Variants in SRBD1 observed in about 807,000 individuals in gnomAD.
The protein encoded by SRBD1 is S1 RNA binding domain 1.
In SRBD1, 88 loss-of-function variants were observed where a neutral mutation model predicts 115.3. The ratio of observed to expected loss-of-function variants is 0.76; its 90% CI spans 0.64 to 0.91. The LOEUF (loss-of-function observed/expected upper bound fraction) is 0.91, where lower values mean the gene tolerates loss of function less well. Ranked by LOEUF, SRBD1 falls within the 40% of genes least tolerant of loss-of-function variation. The pLI, the probability that SRBD1 is intolerant of heterozygous loss-of-function variation, is 0.00. For synonymous variants in SRBD1, 509 were observed against 407.7 expected (o/e 1.25, Z -2.99); for missense variants, 1,385 against 1,177.4 (o/e 1.18, Z -2.58).
chr2:45,430,368 G>T (rs1168067272), intron 16 of SRBD1, among the ~76,000 whole-genome samples: 2 of 152,124 alleles, frequency 1.3e-5, no homozygotes, highest in African/African-American at 4.8e-5. Context: ...AAAGCTGGAG[G>T]CATCACGCTA....
intron 14 of SRBD1, among the ~76,000 whole-genome samples, chr2:45,534,067 AC>A (rs1671692019): frequency 6.6e-6 from 1 of 152,042 alleles, no homozygotes; most frequent in Non-Finnish European, 1.5e-5. Flanking sequence ...ACTTACGAAC[AC>A]AAAAACACAT....
chr2:45,394,759 T>C (rs1287917539), intron 19 of SRBD1, among the ~76,000 whole-genome samples: 2 of 152,236 alleles, frequency 1.3e-5, no homozygotes, highest in Non-Finnish European at 2.9e-5. Flanking sequence ...ATTACAGCCA[T>C]ATATATGGCC....
intron 9 of SRBD1, chr2:45,569,086 T>C (rs564377912): frequency 4.0e-5 from 6 of 148,990 alleles, no homozygotes; most frequent in Non-Finnish European, 8.8e-5. Flanking sequence ...AAATAACCTT[T>C]CAGGAAATAC....
At chr2:45,508,386 A>C (rs1461022922) in intron 14 of SRBD1, among the ~76,000 whole-genome samples, 1 of 152,234 alleles carries the variant, frequency 6.6e-6, no homozygotes, top group African/African-American at 2.4e-5. Flanking sequence ...ATGGCTGAAG[A>C]AACTTTTAAA....
At chr2:45,609,148 C>T (rs58402651) in intron 1 of SRBD1, among the ~76,000 whole-genome samples, 27,218 of 152,150 alleles carry the variant, frequency 0.18, 2,617 homozygotes, top group Middle Eastern at 0.22. Context: ...AATTGACATG[C>T]AATACACTGC....
chr2:45,608,210 T>C (rs1572836690), intron 1 of SRBD1, among the ~76,000 whole-genome samples: 1 of 152,342 alleles, frequency 6.6e-6, no homozygotes, highest in Non-Finnish European at 1.5e-5. Context: ...TATTTCCAAC[T>C]GCCTCTTTAT....
At chr2:45,548,854 C>G (rs953307178) in intron 12 of SRBD1, 2 of 152,348 alleles carry the variant, frequency 1.3e-5, no homozygotes, top group Non-Finnish European at 2.9e-5. Context: ...AAACCCCCAC[C>G]CTCCAAAAAA....
chr2:45,490,851 T>C (rs917791252), intron 14 of SRBD1, among the ~76,000 whole-genome samples: 2 of 152,202 alleles, frequency 1.3e-5, no homozygotes, highest in African/African-American at 4.8e-5. Flanking sequence ...CACCCAAAGA[T>C]TGTGGATTAA....
At chr2:45,485,862 A>G (rs1256832908) in intron 15 of SRBD1, among the ~76,000 whole-genome samples, 1 of 152,208 alleles carries the variant, frequency 6.6e-6, no homozygotes, top group Non-Finnish European at 1.5e-5. Flanking sequence ...TTGAAAAGAA[A>G]GTGGACTCTG....
At chr2:45,500,494 C>T (rs1670597588) in intron 14 of SRBD1, among the ~76,000 whole-genome samples, 2 of 151,902 alleles carry the variant, frequency 1.3e-5, no homozygotes, top group South Asian at 4.1e-4. Context: ...ACAATCACGG[C>T]TCACTACAAC....
intron 10 of SRBD1, among the ~76,000 whole-genome samples, chr2:45,562,108 C>G (rs916797437): frequency 5.9e-5 from 9 of 152,068 alleles, no homozygotes; most frequent in African/African-American, 2.2e-4. Context: ...TCAAAAATTC[C>G]TCACACACCC....
At chr2:45,429,057 T>C (rs545981598) in intron 16 of SRBD1, among the ~76,000 whole-genome samples, 2 of 152,106 alleles carry the variant, frequency 1.3e-5, no homozygotes, top group East Asian at 1.9e-4. Context: ...AAGAAATGGA[T>C]AAATTGCTGG....
At chr2:45,465,697 C>T (rs923370660) in intron 16 of SRBD1, among the ~76,000 whole-genome samples, 1 of 152,158 alleles carries the variant, frequency 6.6e-6, no homozygotes, top group Non-Finnish European at 1.5e-5. Flanking sequence ...AAAGGCTACA[C>T]TTTTTAATGT....
intron 16 of SRBD1, among the ~76,000 whole-genome samples, chr2:45,427,214 C>A (rs997707291): frequency 6.7e-6 from 1 of 149,264 alleles, no homozygotes; most frequent in African/African-American, 2.5e-5. Context: ...TGAAAAACAC[C>A]GCACAAGAAC....
At chr2:45,552,675 T>A (rs1452151360) in intron 11 of SRBD1, among the ~76,000 whole-genome samples, 1 of 152,222 alleles carries the variant, frequency 6.6e-6, no homozygotes, top group African/African-American at 2.4e-5. Flanking sequence ...CAAGCGATGT[T>A]AGACAGCTTG....
chr2:45,487,854 A>G (rs1670167642), intron 15 of SRBD1, among the ~76,000 whole-genome samples: 1 of 151,900 alleles, frequency 6.6e-6, no homozygotes, highest in South Asian at 2.1e-4. Context: ...GAGTTTCACC[A>G]TCTTGGCCAG....
chr2:45,494,944 T>C (rs1226560950), intron 14 of SRBD1, among the ~76,000 whole-genome samples: 1 of 152,200 alleles, frequency 6.6e-6, no homozygotes, highest in African/African-American at 2.4e-5. Flanking sequence ...TTTTTAAGTT[T>C]GTTATGTTTC....
chr2:45,431,217 T>A (rs974688964), intron 16 of SRBD1, among the ~76,000 whole-genome samples: 2 of 152,194 alleles, frequency 1.3e-5, no homozygotes, highest in African/African-American at 4.8e-5. Context: ...GTAAATTAGT[T>A]CAACCATTGT....
In SRBD1 at chr2:45,553,675, G is replaced by T; in HGVS notation, c.1465C>A (p.Leu489Met). The T allele has an allele frequency of 6.2e-7, 1 of 1,608,428 alleles. No homozygotes were observed. Among genetic ancestry groups the T allele is most frequent in the South Asian group, 1.1e-5 (1 of 89,902 alleles). The stretch of plus-strand genomic sequence containing the variant: ...ATAAGGCGTTTAAAGGAATCATTCA[G>T]TGAATTATATAAGATCTTCATTAAC... ...PELMKILYNS[L>M]NDSFKRLIYP... The change falls in exon 11 of 21, where the codon CTG (leucine) becomes ATG (methionine). Residue 489 changes from leucine to methionine, a missense_variant. By Grantham distance (15) the Leu-to-Met change is conservative. Coordinates refer to ENST00000263736, the MANE Select transcript of SRBD1 (RefSeq NM_018079.5).
Sources: allele counts gnomAD v4.1 joint callset (sites outside exome capture counted in the v4.1 genomes callset), GRCh38; gene constraint gnomAD v4.1.1; transcripts MANE v1.5; gene names NCBI Gene and HGNC (gene_info 2026-07-23, HGNC 2026-07-21).